Variants in PTPRG observed in about 807,000 individuals in gnomAD.
The protein encoded by PTPRG is protein tyrosine phosphatase receptor type G.
Under a neutral mutation model 165.3 loss-of-function variants are expected in PTPRG, and 102 were observed. That is an observed-to-expected ratio of 0.62 (90% CI 0.53 to 0.73). The LOEUF is 0.73. Ranked by LOEUF, PTPRG falls within the 30% of genes least tolerant of loss-of-function variation. The pLI, the probability that PTPRG is intolerant of heterozygous loss-of-function variation, is 0.00. For synonymous variants in PTPRG, 675 were observed against 669.5 expected (o/e 1.01, Z -0.13); for missense variants, 1,866 against 1,861.4 (o/e 1.00, Z -0.05).
chr3:61,939,480 A>G (rs1382891255), intron 2 of PTPRG, among the ~76,000 whole-genome samples: 1 of 152,244 alleles, frequency 6.6e-6, no homozygotes, highest in Non-Finnish European at 1.5e-5. Flanking sequence ...GGAAAATGCC[A>G]GGCAAATACA....
At chr3:61,662,240 G>C (rs940072225) in intron 1 of PTPRG, among the ~76,000 whole-genome samples, 5 of 152,202 alleles carry the variant, frequency 3.3e-5, no homozygotes, top group African/African-American at 1.2e-4. Flanking sequence ...TAATAAGGTT[G>C]AAGTGATAGT....
chr3:61,777,982 T>G (rs1437945676), intron 2 of PTPRG, among the ~76,000 whole-genome samples: 1 of 152,196 alleles, frequency 6.6e-6, no homozygotes, highest in Admixed American at 6.5e-5. Context: ...CAGTGCCTAG[T>G]ACAATACGTG....
chr3:61,979,018 C>T (rs867324544), intron 2 of PTPRG, among the ~76,000 whole-genome samples: 4 of 152,100 alleles, frequency 2.6e-5, no homozygotes, highest in Non-Finnish European at 4.4e-5. Context: ...ATATTTGACA[C>T]GAGTTGTTGA....
chr3:61,749,799 T>C (rs2033359502), intron 2 of PTPRG: 1 of 152,494 alleles, frequency 6.6e-6, no homozygotes, highest in African/African-American at 2.4e-5. Context: ...TCAAACTCCT[T>C]CTATGAAAGA....
chr3:61,687,240 G>C (rs1184618709), intron 1 of PTPRG, among the ~76,000 whole-genome samples: 1 of 152,216 alleles, frequency 6.6e-6, no homozygotes, highest in Non-Finnish European at 1.5e-5. Flanking sequence ...GGCTTATTTG[G>C]AATTTTCTTT....
intron 2 of PTPRG, among the ~76,000 whole-genome samples, chr3:61,957,762 T>G (rs1174553755): frequency 6.6e-6 from 1 of 152,238 alleles, no homozygotes; most frequent in Admixed American, 6.5e-5. Flanking sequence ...AGCCCCTGTT[T>G]TCATGCGATT....
intron 2 of PTPRG, chr3:61,926,030 C>A (rs897626570): frequency 1.3e-5 from 6 of 445,684 alleles, no homozygotes; most frequent in African/African-American, 1.2e-4. Flanking sequence ...CTTCCTGTAA[C>A]TACTATATCA....
intron 2 of PTPRG, among the ~76,000 whole-genome samples, chr3:61,852,058 G>A (rs1187882903): frequency 3.3e-5 from 5 of 152,094 alleles, no homozygotes; most frequent in Admixed American, 2.6e-4. Context: ...AATTGGGGCT[G>A]TATTTTTGGT....
chr3:62,001,766 A>G (rs994589160), intron 3 of PTPRG, among the ~76,000 whole-genome samples: 3 of 152,222 alleles, frequency 2.0e-5, no homozygotes, highest in African/African-American at 4.8e-5. Flanking sequence ...AAATTTAAAT[A>G]TCAGTGTGGT....
chr3:61,982,688 C>T (rs1312654113), intron 2 of PTPRG, among the ~76,000 whole-genome samples: 2 of 152,118 alleles, frequency 1.3e-5, no homozygotes, highest in Non-Finnish European at 2.9e-5. Flanking sequence ...TAATACCCTC[C>T]TTTTCCAGAA....
At chr3:61,967,754 A>C (rs1278752573) in intron 2 of PTPRG, among the ~76,000 whole-genome samples, 1 of 152,226 alleles carries the variant, frequency 6.6e-6, no homozygotes, top group Non-Finnish European at 1.5e-5. Flanking sequence ...AGCTGTGTCT[A>C]TCTTTACTAT....
At chr3:61,737,663 C>T (rs2106861893) in intron 1 of PTPRG, among the ~76,000 whole-genome samples, 1 of 152,004 alleles carries the variant, frequency 6.6e-6, no homozygotes, top group East Asian at 1.9e-4. Context: ...ATGAGGTCCA[C>T]CCCCTTCATG....
chr3:61,700,599 A>G (rs1270085156), intron 1 of PTPRG, among the ~76,000 whole-genome samples: 1 of 152,226 alleles, frequency 6.6e-6, no homozygotes, highest in Non-Finnish European at 1.5e-5. Context: ...CAGTGAAGAT[A>G]TGAGTATGTA....
chr3:61,716,926 CGTGCCACTGCACTCCAGCCTG>C (rs939977506), intron 1 of PTPRG, among the ~76,000 whole-genome samples: 3 of 152,128 alleles, frequency 2.0e-5, no homozygotes, highest in African/African-American at 7.2e-5. Flanking sequence ...GAGCCAAAAT[CGTGCCACTGCACTCCAGCCTG>C]GGCAACACAG....
In PTPRG at chr3:61,939,128, C is replaced by G. The variant is rs375174683; in HGVS notation, c.191-50497C>G. 2.6e-5 allele frequency among the ~76,000 whole-genome samples: 4 copies of G among 152,166 alleles called. No homozygotes were observed. The East Asian group carries it at 7.7e-4, about 29-fold the overall frequency. ...ACCATTTTGACAGTTGTTTGGATCC[C>G]GTTCAAACTGGCAGTCACACTTGTA... On this transcript the variant is annotated intron_variant, in intron 2 of 29. Coordinates refer to ENST00000474889, the MANE Select transcript of PTPRG (RefSeq NM_002841.4).
At chr3:61,793,831 A>C (rs1299388202) in intron 2 of PTPRG, among the ~76,000 whole-genome samples, 1 of 152,140 alleles carries the variant, frequency 6.6e-6, no homozygotes, top group Non-Finnish European at 1.5e-5. Context: ...AAGTTTGGCT[A>C]GGTGGTGAAA....
intron 3 of PTPRG, among the ~76,000 whole-genome samples, chr3:61,999,172 A>C (rs1404074377): frequency 6.6e-6 from 1 of 152,180 alleles, no homozygotes; most frequent in Middle Eastern, 3.4e-3. Context: ...CAGCCTGCCA[A>C]GTAGCTGGGA....
rs529782912 is a variant in PTPRG at position 61,596,186 on chromosome 3, C to T, written c.85+33814C>T. 4.7e-4 allele frequency among the ~76,000 whole-genome samples: 71 copies of T among 152,274 alleles called. 1 individual carries two copies. The highest frequency in any genetic ancestry group is 6.8e-3 in the Middle Eastern group (2 of 292). The stretch of plus-strand genomic sequence containing the variant: ...CTTATCTTTGAAATGCTTAGGTTAA[C>T]GTAGAAATTTTATCGTTGTCACCCC... On this transcript the variant is annotated intron_variant, in intron 1 of 29. Transcript: ENST00000474889.
chr3:61,672,138 T>C (rs1159665968), intron 1 of PTPRG, among the ~76,000 whole-genome samples: 8 of 133,254 alleles, frequency 6.0e-5, no homozygotes, highest in South Asian at 5.1e-4. Context: ...CGGGCAGAGA[T>C]GCTCCTCACT....
Sources: allele counts gnomAD v4.1 joint callset (sites outside exome capture counted in the v4.1 genomes callset), GRCh38; gene constraint gnomAD v4.1.1; transcripts MANE v1.5; gene names NCBI Gene and HGNC (gene_info 2026-07-23, HGNC 2026-07-21).